PRIMA1: variants seen among roughly 807,000 people sequenced by gnomAD.
PRIMA1 encodes the protein proline-rich membrane anchor 1.
In PRIMA1, 7 loss-of-function variants were observed where a neutral mutation model predicts 17.5. The observed-to-expected ratio is 0.40, with a 90% CI of 0.23 to 0.75. The LOEUF (loss-of-function observed/expected upper bound fraction) is 0.75. Ranked by LOEUF, PRIMA1 falls within the 30% of genes least tolerant of loss-of-function variation. PRIMA1 has a pLI of 0.37. For synonymous variants in PRIMA1, 97 were observed against 77.9 expected (o/e 1.25, Z -1.29); for missense variants, 200 against 201.8 (o/e 0.99, Z 0.05).
intron 3 of PRIMA1, among the ~76,000 whole-genome samples, chr14:93,763,215 C>A (rs577511895): frequency 6.6e-6 from 1 of 152,318 alleles, no homozygotes; most frequent in East Asian, 1.9e-4. Flanking sequence ...GAATAAAAGT[C>A]TGCCCCCCCA....
At position 93,726,563 on chromosome 14, in the gene PRIMA1, TACAC is replaced by T. The variant is rs753778906; in HGVS notation, c.360-5021_360-5018del. Among the ~76,000 whole-genome samples the T allele has an allele frequency of 1.3e-4, 19 of 150,390 alleles. No homozygotes were observed. The highest frequency in any genetic ancestry group is 2.9e-4 in the African/African-American group (12 of 40,956). On this transcript the variant is annotated intron_variant, in intron 4 of 4. Coordinates refer to ENST00000393140, the MANE Select transcript of PRIMA1 (RefSeq NM_178013.4). This position sits in a 1 kb window ranked among gnomAD's most constrained non-coding sequence, Gnocchi z 4.2. ...ACATGTACACATGCACAAATCCACA[TACAC>T]ACACACTATACACATACACATGTAC...
At position 93,721,561 on chromosome 14, in the gene PRIMA1, A is replaced by AG; in HGVS notation, c.360-16dup. On this transcript the variant is annotated splice_polypyrimidine_tract_variant and intron_variant, in intron 4 of 4. Transcript: ENST00000393140. Reference sequence around the variant, plus strand: ...TCAGTGGTTTCCTGGAAGTGGGGGGAGGGGACAGGAAAGGCAAAGGAGGGG... The same window carrying AG: ...TCAGTGGTTTCCTGGAAGTGGGGGGAGGGGGACAGGAAAGGCAAAGGAGGGG... The AG allele has an allele frequency of 6.4e-7, 1 of 1,563,104 alleles. No homozygotes were observed.
intron 3 of PRIMA1, among the ~76,000 whole-genome samples, chr14:93,748,234 GGA>G (rs1027745970): frequency 3.3e-5 from 5 of 152,142 alleles, no homozygotes; most frequent in Non-Finnish European, 7.4e-5. Context: ...GTGAGAGCAG[GGA>G]GAGAGGGGTG....
At chr14:93,763,644 G>T (rs536215971) in intron 3 of PRIMA1, among the ~76,000 whole-genome samples, 2 of 152,212 alleles carry the variant, frequency 1.3e-5, no homozygotes, top group Admixed American at 6.5e-5. Flanking sequence ...GGCAGTGGGG[G>T]TGGATGTGGG....
At chr14:93,771,452 G>A (rs912708221) in intron 3 of PRIMA1, among the ~76,000 whole-genome samples, 9 of 152,138 alleles carry the variant, frequency 5.9e-5, no homozygotes, top group African/African-American at 2.2e-4. Context: ...AGAGTGAACA[G>A]CTCCATCTGA....
intron 1 of PRIMA1, 134 bp from the exon 2 acceptor site, chr14:93,787,883 A>C (rs1885572231): frequency 1.0e-6 from 1 of 975,370 alleles, no homozygotes; most frequent in Admixed American, 2.8e-5. Context: ...CCAAGCCTGC[A>C]CTTACACTCC....
At chr14:93,771,076 A>G (rs1566975968) in intron 3 of PRIMA1, among the ~76,000 whole-genome samples, 1 of 149,742 alleles carries the variant, frequency 6.7e-6, no homozygotes. Flanking sequence ...GTGTGCATGT[A>G]TGTGTGTACA....
At chr14:93,725,445 C>T (rs1460927627) in intron 4 of PRIMA1, among the ~76,000 whole-genome samples, 1 of 152,110 alleles carries the variant, frequency 6.6e-6, no homozygotes, top group Non-Finnish European at 1.5e-5. Flanking sequence ...GCGAAGACGG[C>T]TCCACCTCTG....
At chr14:93,784,432 T>C (rs1039972959) in intron 2 of PRIMA1, among the ~76,000 whole-genome samples, 2 of 152,128 alleles carry the variant, frequency 1.3e-5, no homozygotes, top group African/African-American at 4.8e-5. Context: ...CTTCCCGAAG[T>C]GTTGGGATTA....
chr14:93,770,121 G>T (rs1256796118), intron 3 of PRIMA1, among the ~76,000 whole-genome samples: 1 of 152,108 alleles, frequency 6.6e-6, no homozygotes, highest in Non-Finnish European at 1.5e-5. Flanking sequence ...ACCAGGGCGT[G>T]ACACCTCCTC....
At chr14:93,756,426 A>T (rs1389902239) in intron 3 of PRIMA1, among the ~76,000 whole-genome samples, 2 of 152,136 alleles carry the variant, frequency 1.3e-5, no homozygotes, top group African/African-American at 2.4e-5. Flanking sequence ...GTAAAAAATA[A>T]ATGCAGCCTT....
chr14:93,744,970 G>A (rs1207958296), intron 3 of PRIMA1, among the ~76,000 whole-genome samples: 1 of 152,150 alleles, frequency 6.6e-6, no homozygotes, highest in Non-Finnish European at 1.5e-5. Flanking sequence ...AGCAGCTTGT[G>A]GGCACTGTAG....
chr14:93,780,820 G>A (rs1287281618), intron 2 of PRIMA1, among the ~76,000 whole-genome samples: 1 of 152,194 alleles, frequency 6.6e-6, no homozygotes, highest in Non-Finnish European at 1.5e-5. Context: ...GCCTGTCCCG[G>A]GGAACAAGCT....
chr14:93,768,643 A>G (rs1884962768), intron 3 of PRIMA1, among the ~76,000 whole-genome samples: 1 of 152,222 alleles, frequency 6.6e-6, no homozygotes, highest in Non-Finnish European at 1.5e-5. Flanking sequence ...TAAATGTTCA[A>G]TAAATCAATA....
At chr14:93,757,105 A>G (rs2076295796) in intron 3 of PRIMA1, among the ~76,000 whole-genome samples, 3 of 152,182 alleles carry the variant, frequency 2.0e-5, no homozygotes, top group African/African-American at 7.2e-5. Context: ...AAGAATCTAG[A>G]AAGTTTCCAA....
chr14:93,718,741 A>T lies in PRIMA1; in HGVS notation c.*2703T>A, dbSNP rs1288336862. The T allele has an allele frequency of 2.0e-5, 3 of 152,460 alleles. No homozygotes were observed. Among genetic ancestry groups the T allele is most frequent in the Non-Finnish European group, 2.9e-5 (2 of 68,026 alleles). The allele number at this position is 152,460 out of a possible 1,614,324, so 9.4% of individuals were successfully genotyped here. A position where few individuals can be genotyped will look rare whatever the true frequency, so the allele number is the denominator to read the frequency against. On this transcript the variant is annotated 3_prime_UTR_variant, in exon 5 of 5. Transcript: ENST00000393140. The stretch of plus-strand genomic sequence containing the variant: ...GTCTTTCTTCCAAAACTTCCTTTAG[A>T]AGCTTCTTAGGAACACCTGAAACCT...
At chr14:93,759,814 C>T (rs571896376) in intron 3 of PRIMA1, among the ~76,000 whole-genome samples, 1 of 152,300 alleles carries the variant, frequency 6.6e-6, no homozygotes, top group East Asian at 1.9e-4. Context: ...GGAGGTGTCC[C>T]TGGCAGAGGA....
At chr14:93,755,904 C>T (rs746506278) in intron 3 of PRIMA1, among the ~76,000 whole-genome samples, 54 of 152,120 alleles carry the variant, frequency 3.5e-4, no homozygotes, top group Non-Finnish European at 6.0e-4. Context: ...CCATGCACCC[C>T]AGAGAGCAGA....
Position 93,721,486 on chromosome 14 carries a change from C to T in PRIMA1, c.420G>A (p.Ser140=), listed in dbSNP as rs1887197. Residue 140 remains serine (S), a synonymous_variant, in exon 5 of 5, where the codon TCG becomes TCA. Transcript: ENST00000393140. The part of the protein sequence containing the change: ...TSVAEYPMSA[S]QSNKGVDVNN... The stretch of plus-strand genomic sequence containing the variant: ...TCACGTCTACTCCTTTGTTGCTCTG[C>T]GAAGCACTCATGGGATACTCAGCAA... 0.63 allele frequency: 1,013,233 copies of T among 1,612,388 alleles called. 323,011 individuals carry two copies. Among genetic ancestry groups the T allele is most frequent in the Middle Eastern group, 0.67 (4,047 of 6,052 alleles).
Sources: gnomAD v4.1 joint callset for allele counts (sites outside exome capture counted in the v4.1 genomes callset) on GRCh38, gnomAD v4.1.1 for gene constraint, Gnocchi (gnomAD v3.1) non-coding constraint, MANE v1.5 for transcripts, NCBI Gene and HGNC (gene_info 2026-07-23, HGNC 2026-07-21) for gene names.